Variants in NSUN7 observed in about 807,000 individuals in gnomAD.
NSUN7 encodes protein NSUN7.
In NSUN7, 39 loss-of-function variants were observed where a neutral mutation model predicts 58.5. The observed-to-expected ratio is 0.67, with a 90% CI of 0.52 to 0.87. NSUN7 has a LOEUF of 0.87. Among genes scored for constraint, NSUN7 ranks in the 40% least tolerant of loss-of-function variants. The pLI, the probability that NSUN7 is intolerant of heterozygous loss-of-function variation, is 0.00. For synonymous variants in NSUN7, 278 were observed against 303.7 expected, an observed-to-expected ratio of 0.92 and a Z score of 0.88; for missense variants, 765 against 844.1, an observed-to-expected ratio of 0.91 and a Z score of 1.16.
intron 9 of NSUN7, among the ~76,000 whole-genome samples, chr4:40,796,670 T>C (rs1419864549): frequency 6.6e-6 from 1 of 151,998 alleles, no homozygotes; most frequent in African/African-American, 2.4e-5. Context: ...GAAACATGTC[T>C]CCTTATATCC....
chr4:40,761,064 C>T (rs1368434792), intron 3 of NSUN7, 107 bp from the exon 4 acceptor site: 9 of 843,320 alleles, frequency 1.1e-5, no homozygotes, highest in South Asian at 3.3e-5. Flanking sequence ...TAAAAATAGT[C>T]GTATTCCTGC....
intron 7 of NSUN7, among the ~76,000 whole-genome samples, chr4:40,781,273 C>T (rs1742553772): frequency 6.6e-6 from 1 of 152,106 alleles, no homozygotes; most frequent in Non-Finnish European, 1.5e-5. Context: ...TGGTCTCGAA[C>T]TCCTGAGCTC....
At chr4:40,792,475 G>A (rs564608221) in intron 8 of NSUN7, among the ~76,000 whole-genome samples, 4 of 152,342 alleles carry the variant, frequency 2.6e-5, no homozygotes, top group African/African-American at 7.2e-5. Flanking sequence ...ATACTGGCCG[G>A]GAGCGGTGGC....
chr4:40,794,372 C>T lies in NSUN7; in HGVS notation c.1181-3C>T. 6.4e-7 allele frequency: 1 copy of T among 1,571,540 alleles called. No homozygotes were observed. The highest frequency in any genetic ancestry group is 8.7e-7 in the Non-Finnish European group (1 of 1,147,300). ...TTTAAAAGCATTTCTTTTTAAAATT[C>T]AGATACAGAATTCCTTAAAGATCAC... On this transcript the variant is annotated splice_region_variant and splice_polypyrimidine_tract_variant and intron_variant, in intron 8 of 11. Coordinates refer to ENST00000381782, the MANE Select transcript of NSUN7 (RefSeq NM_024677.6).
chr4:40,794,313 TAAC>T, intron 8 of NSUN7, 59 bp from the exon 9 acceptor site: 1 of 843,936 alleles, frequency 1.2e-6, no homozygotes, highest in South Asian at 1.7e-5. Context: ...TATATGATGA[TAAC>T]AATATGTAAA....
At position 40,810,354 on chromosome 4, in the gene NSUN7, G is replaced by A. The variant is rs1744165783; in HGVS notation, c.*1415G>A. The A allele has an allele frequency of 6.6e-6, 1 of 152,036 alleles. No homozygotes were observed. Among genetic ancestry groups the A allele is most frequent in the Non-Finnish European group, 1.5e-5 (1 of 68,020 alleles). The allele number at this position is 152,036 out of a possible 1,614,324, so 9.4% of individuals were successfully genotyped here. ...GGAGGCTGAGGTGGGCACGCCACTT[G>A]AGCACCGGAGTTCCAGACGAGCCTG... On this transcript the variant is annotated 3_prime_UTR_variant, in exon 12 of 12. Transcript: ENST00000381782.
intron 7 of NSUN7, among the ~76,000 whole-genome samples, chr4:40,782,959 A>G (rs1742646695): frequency 6.6e-6 from 1 of 152,222 alleles, no homozygotes; most frequent in Admixed American, 6.5e-5. Flanking sequence ...ATTGATCTAC[A>G]GATTCATTGC....
Position 40,785,998 on chromosome 4 carries a change from TGAA to T in NSUN7, c.1037-4598_1037-4596del, listed in dbSNP as rs1203866575. On this transcript the variant is annotated intron_variant, in intron 7 of 11. Coordinates refer to ENST00000381782, the MANE Select transcript of NSUN7 (RefSeq NM_024677.6). ...CCCAGCGGCTGGGAGAGACGCTGAG[TGAA>T]GAAGAGGGAAGGACAGTTAGTCAGT... The T allele has an allele frequency of 8.7e-6, 12 of 1,381,236 alleles. No individual in the cohort carries two copies. The African/African-American group carries it at 1.6e-4, about 19-fold the overall frequency. The allele number at this position is 1,381,236 out of a possible 1,614,324, so 85.6% of individuals were successfully genotyped here.
rs138863704 is a variant in NSUN7 at position 40,760,435 on chromosome 4, T to C, written c.300T>C (p.Tyr100=). The C allele has an allele frequency of 1.7e-4, 278 of 1,609,058 alleles. No homozygotes were observed. Among genetic ancestry groups the C allele is most frequent in the Middle Eastern group, 5.0e-4 (3 of 6,046 alleles). ...SYELAFSALK[Y]QDILETILID... is the part of the protein sequence containing the mutation. ...ACAGGCCTTTCCCTTGTTTTGCAGA[T>C]CAAGATATTTTGGAAACTATATTGA... The change falls in exon 3 of 12, where the codon TAT becomes TAC. Residue 100 remains tyrosine (Y), a splice_region_variant and synonymous_variant. Transcript: ENST00000381782.
intron 2 of NSUN7, among the ~76,000 whole-genome samples, chr4:40,754,953 T>C (rs1300433990): frequency 1.3e-5 from 2 of 152,224 alleles, no homozygotes; most frequent in African/African-American, 4.8e-5. Flanking sequence ...AAATGTTTTT[T>C]GAAATGAAGA....
chr4:40,803,716 A>T (rs941710933), intron 10 of NSUN7, among the ~76,000 whole-genome samples: 2 of 152,238 alleles, frequency 1.3e-5, no homozygotes, highest in Non-Finnish European at 2.9e-5. Flanking sequence ...GAAGTTGTAC[A>T]ACAATCACCA....
chr4:40,790,477 C>T, intron 7 of NSUN7, 125 bp from the exon 8 acceptor site: 1 of 602,842 alleles, frequency 1.7e-6, no homozygotes, highest in Non-Finnish European at 2.8e-6. Flanking sequence ...TCTTTTCTAA[C>T]TACATCAAAA....
At chr4:40,781,847 T>G (rs1176415098) in intron 7 of NSUN7, among the ~76,000 whole-genome samples, 1 of 152,184 alleles carries the variant, frequency 6.6e-6, no homozygotes, top group Non-Finnish European at 1.5e-5. Flanking sequence ...ATATGCTGTG[T>G]GTATGCTAAT....
In NSUN7 at chr4:40,775,017, A is replaced by G. The variant is rs111623488; in HGVS notation, c.825+67A>G. 6.6e-5 allele frequency: 46 copies of G among 699,332 alleles called. No homozygotes were observed. The African/African-American group carries it at 7.5e-4, about 11-fold the overall frequency. 43.3% of individuals were successfully genotyped at this position (699,332 alleles called of 1,614,324 possible). On this transcript the variant is annotated intron_variant, in intron 6 of 11. Coordinates refer to ENST00000381782, the MANE Select transcript of NSUN7 (RefSeq NM_024677.6). This position sits in a 1 kb window ranked among gnomAD's most constrained non-coding sequence, Gnocchi z 4.3. ...ACCTAGCCAAAGAACTTCTCCACTT[A>G]AAAATAAAACCTAACACTGTTTATA...
intron 10 of NSUN7, among the ~76,000 whole-genome samples, chr4:40,801,097 G>A (rs1304895538): frequency 6.6e-6 from 1 of 151,968 alleles, no homozygotes; most frequent in Non-Finnish European, 1.5e-5. Context: ...GGTTTGCTGA[G>A]TTTGATACCC....
chr4:40,759,978 C>T lies in NSUN7; in HGVS notation c.299-456C>T, dbSNP rs191845541. On this transcript the variant is annotated intron_variant, in intron 2 of 11. Coordinates refer to ENST00000381782, the MANE Select transcript of NSUN7 (RefSeq NM_024677.6). ...GCTTGAACCTGGGAGGCAGACGTTG[C>T]AGTGAGCTGAGATCGCACCATTGTA... Among the ~76,000 whole-genome samples, 180 of 152,206 alleles carry T rather than the reference C, an allele frequency of 1.2e-3. 1 individual carries two copies. Among genetic ancestry groups the T allele is most frequent in the African/African-American group, 4.1e-3 (169 of 41,526 alleles).
At chr4:40,783,439 G>A (rs1218332144) in intron 7 of NSUN7, among the ~76,000 whole-genome samples, 1 of 152,114 alleles carries the variant, frequency 6.6e-6, no homozygotes, top group South Asian at 2.1e-4. Flanking sequence ...CATGAGCTTG[G>A]ATTTAGCAGT....
chr4:40,772,313 A>G (rs1742052381), intron 4 of NSUN7, among the ~76,000 whole-genome samples: 1 of 152,224 alleles, frequency 6.6e-6, no homozygotes. Context: ...TGTTAATAAA[A>G]AATAGTCTAT....
intron 7 of NSUN7, among the ~76,000 whole-genome samples, chr4:40,777,243 C>T (rs1742313128): frequency 6.6e-6 from 1 of 152,184 alleles, no homozygotes; most frequent in Admixed American, 6.5e-5. Context: ...GTCTTAGCTG[C>T]CTGCCAGAAG....
Sources: allele counts gnomAD v4.1 joint callset (sites outside exome capture counted in the v4.1 genomes callset), GRCh38; gene constraint gnomAD v4.1.1; non-coding constraint Gnocchi (gnomAD v3.1); transcripts MANE v1.5; gene names NCBI Gene and HGNC (gene_info 2026-07-23, HGNC 2026-07-21).